The following ADH1C variants were observed in gnomAD, a reference collection of about 807,000 sequenced individuals.
ADH1C encodes the protein alcohol dehydrogenase 1C.
In ADH1C, 26 loss-of-function variants were observed where a neutral mutation model predicts 35.0. The observed-to-expected ratio is 0.74, with a 90% CI of 0.54 to 1.03. The LOEUF (loss-of-function observed/expected upper bound fraction) is 1.03. Among genes scored for constraint, ADH1C ranks in the 50% least tolerant of loss-of-function variants. The pLI is 0.00. For synonymous variants in ADH1C, 170 were observed against 169.3 expected (o/e 1.00, Z -0.03); for missense variants, 413 against 465.4 (o/e 0.89, Z 1.04).
rs1239755638 is a variant in ADH1C at position 99,342,932 on chromosome 4, C to A, written c.691G>T (p.Ala231Ser). 1 of 1,614,034 alleles carries A rather than the reference C, an allele frequency of 6.2e-7. No homozygotes were observed. Among genetic ancestry groups the A allele is most frequent in the African/African-American group, 1.3e-5 (1 of 74,890 alleles). Reference sequence around the variant, plus strand: ...GTGGCACCCAACTCTTTAGCCTTTGCAAATTTGTCCTTGTTGATGTCCACA... The same window carrying A: ...GTGGCACCCAACTCTTTAGCCTTTGAAAATTTGTCCTTGTTGATGTCCACA... ...IAVDINKDKFAKAKELGATEC... is the reference protein window; with the variant it reads ...IAVDINKDKFSKAKELGATEC... Residue 231 changes from alanine to serine, a missense_variant, in exon 6 of 9, where the codon GCA becomes TCA. Ala to Ser is a moderately conservative substitution (Grantham distance 99). Transcript: ENST00000515683.
intron 1 of ADH1C, 75 bp downstream of exon 1, chr4:99,352,583 A>G: frequency 5.5e-6 from 7 of 1,272,010 alleles, no homozygotes; most frequent in Non-Finnish European, 7.7e-6. Flanking sequence ...TAAATTATTC[A>G]TTATTAATAC....
At chr4:99,341,624 C>T (rs1420315612) in intron 6 of ADH1C, among the ~76,000 whole-genome samples, 2 of 152,178 alleles carry the variant, frequency 1.3e-5, no homozygotes, top group Non-Finnish European at 2.9e-5. Flanking sequence ...TCTCAGGGTG[C>T]TGCTCCCTGT....
intron 1 of ADH1C, 138 bp downstream of exon 1, chr4:99,352,520 A>G (rs1734700659): frequency 1.7e-6 from 1 of 602,912 alleles, no homozygotes; most frequent in Non-Finnish European, 2.7e-6. Flanking sequence ...TTTCTAATTT[A>G]GATATGAATT....
intron 1 of ADH1C, among the ~76,000 whole-genome samples, chr4:99,351,329 A>T (rs1734673886): frequency 6.6e-6 from 1 of 152,232 alleles, no homozygotes; most frequent in African/African-American, 2.4e-5. Flanking sequence ...CTTATGAAAT[A>T]GACATTAGTA....
intron 8 of ADH1C, among the ~76,000 whole-genome samples, chr4:99,339,251 G>A (rs967308240): frequency 6.6e-6 from 1 of 151,986 alleles, no homozygotes; most frequent in African/African-American, 2.4e-5. Flanking sequence ...TATAATTCTG[G>A]TTGCTTAAAC....
At chr4:99,341,393 T>C (rs1300461391) in intron 6 of ADH1C, among the ~76,000 whole-genome samples, 2 of 152,190 alleles carry the variant, frequency 1.3e-5, no homozygotes, top group African/African-American at 4.8e-5. Context: ...TTCTTTGATT[T>C]TGGATTCTGA....
At chr4:99,344,669 TAAC>T (rs1364307296) in intron 5 of ADH1C, among the ~76,000 whole-genome samples, 190 bp downstream of exon 5, 1 of 151,774 alleles carries the variant, frequency 6.6e-6, no homozygotes, top group Non-Finnish European at 1.5e-5. Flanking sequence ...TACATTTTCT[TAAC>T]AAGTTTTTAT....
chr4:99,344,315 C>T (rs1171383666), intron 5 of ADH1C, among the ~76,000 whole-genome samples: 1 of 152,134 alleles, frequency 6.6e-6, no homozygotes, highest in Admixed American at 6.5e-5. Context: ...AGTGAAATGT[C>T]ATAATGAGTG....
intron 7 of ADH1C, 29 bp from the exon 8 acceptor site, chr4:99,339,744 T>C (rs200724999): frequency 2.5e-6 from 4 of 1,589,310 alleles, no homozygotes; most frequent in East Asian, 4.5e-5. Flanking sequence ...CATTGATAGA[T>C]TCAACCAGGG....
At position 99,348,971 on chromosome 4, in the gene ADH1C, G is replaced by A. The variant is rs770993279; in HGVS notation, c.19-1125C>T. Among the ~76,000 whole-genome samples, 1,128 of 145,614 alleles carry A rather than the reference G, an allele frequency of 7.7e-3. 5 individuals are homozygous for A. Among genetic ancestry groups the A allele is most frequent in the Non-Finnish European group, 0.014 (893 of 65,550 alleles). On this transcript the variant is annotated intron_variant, in intron 1 of 8. Transcript: ENST00000515683. ...TGTCCTTCGCCCACTTTTTGATGGG[G>A]TTGTTTGTTTTTTTCTTGTAAATTT...
chr4:99,340,011 T>A (rs1468680501), intron 7 of ADH1C, among the ~76,000 whole-genome samples: 1 of 151,932 alleles, frequency 6.6e-6, no homozygotes, highest in Non-Finnish European at 1.5e-5. Flanking sequence ...GTAGATATGA[T>A]TTATTGTTAT....
intron 1 of ADH1C, among the ~76,000 whole-genome samples, chr4:99,349,586 A>G (rs1261590215): frequency 6.6e-6 from 1 of 152,124 alleles, no homozygotes; most frequent in Non-Finnish European, 1.5e-5. Context: ...ACAGTTATAC[A>G]TTTACCTTCC....
At position 99,346,953 on chromosome 4, in the gene ADH1C, A is replaced by G. The variant is rs1289006543; in HGVS notation, c.259+53T>C. The G allele has an allele frequency of 6.9e-6, 11 of 1,590,596 alleles. 1 individual carries two copies. Among genetic ancestry groups the G allele is most frequent in the Non-Finnish European group, 6.0e-6 (7 of 1,169,604 alleles). ...TGCCTCGGTTTCCTCATCCAGGCTGACTAATCTTGTGATGGTGAACCAAGG... is the reference window on the plus strand; with the variant it reads ...TGCCTCGGTTTCCTCATCCAGGCTGGCTAATCTTGTGATGGTGAACCAAGG... On this transcript the variant is annotated intron_variant, in intron 3 of 8. Transcript: ENST00000515683.
chr4:99,352,582 CATT>C (rs1252318398), intron 1 of ADH1C, 73 bp downstream of exon 1: 8 of 1,249,074 alleles, frequency 6.4e-6, no homozygotes, highest in South Asian at 3.0e-5. Context: ...TTAAATTATT[CATT>C]ATTAATACTG....
At chr4:99,347,495 T>C (rs1189842652) in intron 2 of ADH1C, among the ~76,000 whole-genome samples, 1 of 152,226 alleles carries the variant, frequency 6.6e-6, no homozygotes, top group Non-Finnish European at 1.5e-5. Context: ...ACTCTTGATA[T>C]ATATCCCTTT....
intron 6 of ADH1C, among the ~76,000 whole-genome samples, chr4:99,342,022 A>AT (rs1467616152): frequency 7.7e-6 from 1 of 130,438 alleles, no homozygotes; most frequent in African/African-American, 3.0e-5. Flanking sequence ...AAAAAAAAAA[A>AT]AAAATAAATA....
In ADH1C at chr4:99,336,624, G is replaced by T; in HGVS notation, c.*128C>A. ...CCATCAATTTCCATTTCTTTGGAAA[G>T]CTCCCACGTGTAATTTATTTTTAAC... On this transcript the variant is annotated 3_prime_UTR_variant, in exon 9 of 9. Transcript: ENST00000515683. The T allele has an allele frequency of 8.7e-7, 1 of 1,149,114 alleles. No individual in the cohort carries two copies. The highest frequency in any genetic ancestry group is 1.3e-6 in the Non-Finnish European group (1 of 791,988). The allele number at this position is 1,149,114 out of a possible 1,614,324, so 71.2% of individuals were successfully genotyped here.
intron 8 of ADH1C, among the ~76,000 whole-genome samples, chr4:99,338,396 TATATATA>T (rs1734329143): frequency 1.3e-4 from 1 of 7,424 alleles, no homozygotes; most frequent in Non-Finnish European, 3.2e-4. Flanking sequence ...TACTGTTTTC[TATATATA>T]TATATATATA....
intron 1 of ADH1C, among the ~76,000 whole-genome samples, chr4:99,349,453 A>T (rs190812053): frequency 9.2e-5 from 14 of 152,258 alleles, no homozygotes; most frequent in Non-Finnish European, 1.9e-4. Flanking sequence ...GTTTACCCAC[A>T]ACTATTGGCT....
Sources: allele counts gnomAD v4.1 joint callset (sites outside exome capture counted in the v4.1 genomes callset), GRCh38; gene constraint gnomAD v4.1.1; transcripts MANE v1.5; gene names NCBI Gene and HGNC (gene_info 2026-07-23, HGNC 2026-07-21).